Variants in FAM78A observed in about 807,000 individuals in gnomAD.
The protein encoded by FAM78A is family with sequence similarity 78 member A.
Under a neutral mutation model 22.6 loss-of-function variants are expected in FAM78A, and 12 were observed. The ratio of observed to expected loss-of-function variants is 0.53; its 90% CI spans 0.34 to 0.86. The LOEUF (loss-of-function observed/expected upper bound fraction) is 0.86. Among genes scored for constraint, FAM78A ranks in the 40% least tolerant of loss-of-function variants. The pLI is 0.02. For synonymous variants in FAM78A, 151 were observed against 155.8 expected, an observed-to-expected ratio of 0.97 and a Z score of 0.23; for missense variants, 322 against 396.1, an observed-to-expected ratio of 0.81 and a Z score of 1.59.
chr9:131,277,973 C>T (rs1408580099), upstream of FAM78A, among the ~76,000 whole-genome samples: 3 of 146,492 alleles, frequency 2.0e-5, no homozygotes, highest in Admixed American at 6.8e-5. The surrounding 1 kb of genome is among the most constrained non-coding windows in gnomAD (Gnocchi z 8.4). Flanking sequence ...CCGCCGCCGC[C>T]GGCCGAGCGC....
At chr9:131,280,126 G>A (rs1835527943), upstream of FAM78A, among the ~76,000 whole-genome samples, 1 of 152,224 alleles carries the variant, frequency 6.6e-6, no homozygotes, top group Non-Finnish European at 1.5e-5. Flanking sequence ...GGACCAGGAA[G>A]CATCAGTCCA....
At position 131,270,496 on chromosome 9, in the gene FAM78A, G is replaced by A. The variant is rs150139888; in HGVS notation, c.323+5361C>T. ...TGTTTGTTTCCAGTGCTTGGAAGGT[G>A]GATGAGGGCTGCAGCAATCCCTTGG... On this transcript the variant is annotated intron_variant, in intron 1 of 1. Coordinates refer to ENST00000372271, the MANE Select transcript of FAM78A (RefSeq NM_033387.4). 1,618 of 716,156 alleles carry A rather than the reference G, an allele frequency of 2.3e-3. 6 individuals are homozygous for A. Among genetic ancestry groups the A allele is most frequent in the Non-Finnish European group, 3.1e-3 (1,199 of 384,424 alleles). 44.4% of individuals were successfully genotyped at this position (716,156 alleles called of 1,614,324 possible). A position where few individuals can be genotyped will look rare whatever the true frequency, so the allele number is the denominator to read the frequency against.
upstream of FAM78A, among the ~76,000 whole-genome samples, chr9:131,277,947 C>G (rs1374116857): frequency 6.8e-6 from 1 of 147,810 alleles, no homozygotes; most frequent in Non-Finnish European, 1.5e-5. This position sits in a 1 kb window ranked among gnomAD's most constrained non-coding sequence, Gnocchi z 8.4. Flanking sequence ...GCCGGCCCGG[C>G]CCCCGCGTCC....
upstream of FAM78A, among the ~76,000 whole-genome samples, chr9:131,279,992 T>C (rs2131203331): frequency 6.6e-6 from 1 of 152,314 alleles, no homozygotes; most frequent in South Asian, 2.1e-4. Flanking sequence ...TAGGAAGTCC[T>C]ACCAGCAGAG....
rs73656108 is a variant in FAM78A, at chr9:131,268,323, C to G, written c.324-6973G>C. Among the ~76,000 whole-genome samples the G allele has an allele frequency of 4.2e-3, 642 of 152,250 alleles. 8 individuals are homozygous for G. The highest frequency in any genetic ancestry group is 0.015 in the African/African-American group (608 of 41,534). On this transcript the variant is annotated intron_variant, in intron 1 of 1. Transcript: ENST00000372271. ...CATCCTGGGTTCCTGACATCCCCCC[C>G]GCACTGCCGCCCCCCTGGGCTGTCC...
chr9:131,271,173 A>C (rs1835416976), intron 1 of FAM78A, among the ~76,000 whole-genome samples: 1 of 151,858 alleles, frequency 6.6e-6, no homozygotes, highest in Admixed American at 6.6e-5. Flanking sequence ...ATGCCTGGCT[A>C]ATTTTTTTGT....
chr9:131,264,606 T>C (rs777677729), intron 1 of FAM78A: 2 of 717,292 alleles, frequency 2.8e-6, no homozygotes, highest in South Asian at 3.0e-5. Flanking sequence ...CCAACAGCAG[T>C]CAGTGGAAGC....
upstream of FAM78A, among the ~76,000 whole-genome samples, chr9:131,278,042 A>AGGCGGC (rs906070271): frequency 1.2e-4 from 18 of 145,572 alleles, no homozygotes; most frequent in Admixed American, 2.7e-4. Flanking sequence ...GCAGGTCCGC[A>AGGCGGC]GGCGGCGGCG....
At chr9:131,268,359 C>G (rs906600970) in intron 1 of FAM78A, among the ~76,000 whole-genome samples, 1 of 152,038 alleles carries the variant, frequency 6.6e-6, no homozygotes, top group Non-Finnish European at 1.5e-5. Context: ...CCACCACCAC[C>G]GGGTCACCAG....
In FAM78A at chr9:131,259,179, C is replaced by G. The variant is rs1222752220; in HGVS notation, c.*1643G>C. ...CTGAGTGTGGGTCCCGGGCGGGTAG[C>G]TGTGGGTTTGGCAAGCTGGAAGGAG... On this transcript the variant is annotated 3_prime_UTR_variant, in exon 2 of 2. Transcript: ENST00000372271. The G allele has an allele frequency of 6.5e-6, 1 of 152,720 alleles. No individual in the cohort carries two copies. Among genetic ancestry groups the G allele is most frequent in the Non-Finnish European group, 1.5e-5 (1 of 68,116 alleles). 9.5% of individuals were successfully genotyped at this position (152,720 alleles called of 1,614,324 possible).
At chr9:131,279,896 C>T (rs1835525754), upstream of FAM78A, among the ~76,000 whole-genome samples, 1 of 152,184 alleles carries the variant, frequency 6.6e-6, no homozygotes. Flanking sequence ...CTGACCAGCT[C>T]CAAAGCCCAC....
At position 131,270,037 on chromosome 9, in the gene FAM78A, T is replaced by TAAAAAA. The variant is rs1008374603; in HGVS notation, c.323+5814_323+5819dup. Among the ~76,000 whole-genome samples, 163 of 83,274 alleles carry TAAAAAA rather than the reference T, an allele frequency of 2.0e-3. 1 individual carries two copies. The highest frequency in any genetic ancestry group is 2.4e-3 in the Non-Finnish European group (109 of 44,724). The allele number at this position is 83,274 out of a possible 152,430, so 54.6% of individuals were successfully genotyped here. ...TGGTGAAACCCCATCCCTACTAAAA[T>TAAAAAA]AAAAAAAAAAAAAAAAAAAAAAGCC... On this transcript the variant is annotated intron_variant, in intron 1 of 1. Coordinates refer to ENST00000372271, the MANE Select transcript of FAM78A (RefSeq NM_033387.4).
upstream of FAM78A, among the ~76,000 whole-genome samples, chr9:131,277,782 C>T (rs1393828983): frequency 3.3e-5 from 5 of 151,468 alleles, no homozygotes; most frequent in African/African-American, 1.2e-4. This position sits in a 1 kb window ranked among gnomAD's most constrained non-coding sequence, Gnocchi z 8.4. Context: ...GCCCCCACCC[C>T]GCGCGCCTCC....
chr9:131,269,483 A>ATTTT (rs111550579), intron 1 of FAM78A, among the ~76,000 whole-genome samples: 194 of 142,470 alleles, frequency 1.4e-3, no homozygotes, highest in African/African-American at 4.7e-3. Flanking sequence ...TCACGTGTGC[A>ATTTT]TTTTTTTTTT....
chr9:131,271,779 C>T (rs1835424319), intron 1 of FAM78A, among the ~76,000 whole-genome samples: 1 of 152,198 alleles, frequency 6.6e-6, no homozygotes, highest in South Asian at 2.1e-4. Context: ...GAACTTCTCC[C>T]ACACAGGCGA....
rs1281342276 is a variant in FAM78A at position 131,274,005 on chromosome 9, C to T, written c.323+1852G>A. On this transcript the variant is annotated intron_variant, in intron 1 of 1. Coordinates refer to ENST00000372271, the MANE Select transcript of FAM78A (RefSeq NM_033387.4). This position sits in a 1 kb window ranked among gnomAD's most constrained non-coding sequence, Gnocchi z 4.2. ...TCTTCCAACCAGGAAGCCAGGACTG[C>T]GACAGGGAGGGCAGGGTTGTCTCAG... 1.3e-5 allele frequency among the ~76,000 whole-genome samples: 2 copies of T among 152,236 alleles called. No individual in the cohort carries two copies. Among genetic ancestry groups the T allele is most frequent in the African/African-American group, 2.4e-5 (1 of 41,466 alleles).
upstream of FAM78A, among the ~76,000 whole-genome samples, chr9:131,277,927 C>T (rs1269341420): frequency 1.3e-5 from 2 of 149,130 alleles, no homozygotes; most frequent in Non-Finnish European, 3.0e-5. The surrounding 1 kb of genome is among the most constrained non-coding windows in gnomAD (Gnocchi z 8.4). Context: ...TGCAGAAACT[C>T]GGCCCCTGCG....
At chr9:131,267,916 G>T (rs2131175643) in intron 1 of FAM78A, among the ~76,000 whole-genome samples, 1 of 152,252 alleles carries the variant, frequency 6.6e-6, no homozygotes, top group African/African-American at 2.4e-5. Flanking sequence ...GCTGGGCGTG[G>T]TGGCAGGCAC....
chr9:131,279,599 G>T (rs1233047709), upstream of FAM78A, among the ~76,000 whole-genome samples: 4 of 152,218 alleles, frequency 2.6e-5, no homozygotes, highest in Admixed American at 2.0e-4. Flanking sequence ...GAAAGGACAG[G>T]GACCAGAGCC....
Sources: allele counts gnomAD v4.1 joint callset (sites outside exome capture counted in the v4.1 genomes callset), GRCh38; gene constraint gnomAD v4.1.1; non-coding constraint Gnocchi (gnomAD v3.1); transcripts MANE v1.5; gene names NCBI Gene and HGNC (gene_info 2026-07-23, HGNC 2026-07-21).